The following PAAF1 variants were observed in gnomAD, a reference collection of about 807,000 sequenced individuals.
PAAF1 encodes proteasomal ATPase associated factor 1, also known as proteasomal ATPase-associated factor 1.
A neutral mutation model predicts 52.8 loss-of-function variants in PAAF1; 46 were observed. The ratio of observed to expected loss-of-function variants is 0.87; its 90% CI spans 0.69 to 1.11. PAAF1 has a LOEUF of 1.11. Ranked by LOEUF, PAAF1 falls within the 50% of genes most tolerant of loss-of-function variation. PAAF1 has a pLI of 0.00. For missense variants in PAAF1, 424 were observed against 477.4 expected, an observed-to-expected ratio of 0.89 and a Z score of 1.04; for synonymous variants, 178 against 172.8, an observed-to-expected ratio of 1.03 and a Z score of -0.24.
chr11:73,926,321 G>C (rs1032461381), intron 11 of PAAF1, among the ~76,000 whole-genome samples: 4 of 152,148 alleles, frequency 2.6e-5, no homozygotes, highest in Admixed American at 6.5e-5. Context: ...GGTCAGGCTG[G>C]TCTTGAACTC....
intron 1 of PAAF1, among the ~76,000 whole-genome samples, chr11:73,878,302 C>T (rs898336942): frequency 2.0e-5 from 3 of 152,168 alleles, no homozygotes; most frequent in African/African-American, 7.2e-5. Context: ...TTGCTGTCAA[C>T]CTAGATCTTT....
intron 2 of PAAF1, among the ~76,000 whole-genome samples, chr11:73,882,224 C>T (rs1948930469): frequency 6.6e-6 from 1 of 151,266 alleles, no homozygotes; most frequent in Non-Finnish European, 1.5e-5. Context: ...CTGTGTTAGT[C>T]AGGATGGTCT....
chr11:73,881,440 A>G (rs1948903509), intron 2 of PAAF1, among the ~76,000 whole-genome samples: 1 of 151,900 alleles, frequency 6.6e-6, no homozygotes, highest in South Asian at 2.1e-4. Context: ...TGGGACTACT[A>G]CCATGCCCAG....
chr11:73,896,719 C>G (rs567581305), intron 4 of PAAF1, among the ~76,000 whole-genome samples: 1 of 152,368 alleles, frequency 6.6e-6, no homozygotes, highest in Admixed American at 6.5e-5. Context: ...GACACGGCAA[C>G]CATCCGATTC....
At chr11:73,913,659 T>TA (rs1949991098) in intron 7 of PAAF1, among the ~76,000 whole-genome samples, 1 of 148,014 alleles carries the variant, frequency 6.8e-6, no homozygotes, top group African/African-American at 2.5e-5. Flanking sequence ...GCAGTTAGAA[T>TA]AGTGTGTGAT....
At position 73,909,093 on chromosome 11, in the gene PAAF1, T is replaced by G. The variant is rs374430265; in HGVS notation, c.533-306T>G. 9.9e-4 allele frequency among the ~76,000 whole-genome samples: 151 copies of G among 152,264 alleles called. 3 individuals are homozygous for G. The South Asian group carries it at 0.02, about 20-fold the overall frequency. On this transcript the variant is annotated intron_variant, in intron 6 of 11. Coordinates refer to ENST00000310571, the MANE Select transcript of PAAF1 (RefSeq NM_025155.3). ...TGAGCCACCACGCCCGACCTCTTAA[T>G]TTTTCTTTTTAAAAAAGAGTTTTGA...
chr11:73,878,417 T>A (rs1591030079), intron 1 of PAAF1, among the ~76,000 whole-genome samples: 1 of 152,322 alleles, frequency 6.6e-6, no homozygotes, highest in East Asian at 1.9e-4. Context: ...AAAGGAATCT[T>A]GTTTGGTTAT....
At chr11:73,921,815 C>T in intron 10 of PAAF1, 1 of 1,150,836 alleles carries the variant, frequency 8.7e-7, no homozygotes, top group South Asian at 1.2e-5. Flanking sequence ...ATCACTTCAT[C>T]TTCCTGTTTG....
intron 4 of PAAF1, among the ~76,000 whole-genome samples, chr11:73,898,133 G>C (rs1565135233): frequency 6.7e-6 from 1 of 149,784 alleles, no homozygotes; most frequent in Non-Finnish European, 1.5e-5. Flanking sequence ...GATGGCAGCA[G>C]TACCGTCCAG....
At chr11:73,898,454 A>G (rs12792711) in intron 4 of PAAF1, among the ~76,000 whole-genome samples, 8,660 of 152,128 alleles carry the variant, frequency 0.057, 274 homozygotes, top group Middle Eastern at 0.11. Context: ...GGGCTCAAGT[A>G]ATCTTCCTGC....
At chr11:73,896,254 C>CTTT (rs71272248) in intron 4 of PAAF1, among the ~76,000 whole-genome samples, 2 of 121,816 alleles carry the variant, frequency 1.6e-5, no homozygotes, top group African/African-American at 3.0e-5. Context: ...TATCTGAACT[C>CTTT]TTTTTTTTTT....
intron 4 of PAAF1, among the ~76,000 whole-genome samples, chr11:73,893,095 T>G (rs991862693): frequency 3.3e-5 from 5 of 152,258 alleles, no homozygotes; most frequent in Non-Finnish European, 5.9e-5. Flanking sequence ...TTACTGGACA[T>G]TCAGGTGTTT....
chr11:73,922,572 C>T (rs1340035438), intron 10 of PAAF1, among the ~76,000 whole-genome samples: 1 of 152,102 alleles, frequency 6.6e-6, no homozygotes, highest in Non-Finnish European at 1.5e-5. Flanking sequence ...AATCCCAGCA[C>T]TTTCGGAGGC....
Position 73,928,726 on chromosome 11 carries a change from CTTTT to C in PAAF1, c.*1369_*1372del, listed in dbSNP as rs904764773. The C allele has an allele frequency of 6.6e-6, 1 of 151,734 alleles. No individual in the cohort carries two copies. Among genetic ancestry groups the C allele is most frequent in the African/African-American group, 2.4e-5 (1 of 41,338 alleles). The allele number at this position is 151,734 out of a possible 1,614,324, so 9.4% of individuals were successfully genotyped here. A position where few individuals can be genotyped will look rare whatever the true frequency, so the allele number is the denominator to read the frequency against. ...GGGTAATAATGTTGTTGACAGAGTT[CTTTT>C]TTTTGTTTTTTTTGAGACGGAGTCT... On this transcript the variant is annotated 3_prime_UTR_variant, in exon 12 of 12. Transcript: ENST00000310571.
chr11:73,897,017 C>G lies in PAAF1; in HGVS notation c.283-2129C>G, dbSNP rs538656885. Among the ~76,000 whole-genome samples, 6 of 144,014 alleles carry G rather than the reference C, an allele frequency of 4.2e-5. No individual in the cohort carries two copies. In the South Asian group the frequency reaches 1.1e-3, roughly 27 times the overall value. 94.5% of individuals were successfully genotyped at this position (144,014 alleles called of 152,430 possible). A position where few individuals can be genotyped will look rare whatever the true frequency, so the allele number is the denominator to read the frequency against. ...CTCCCTCCTGGACGGGGCGGCTGGC[C>G]GGGCAGAGGGGCTCCTCACTTCCCA... On this transcript the variant is annotated intron_variant, in intron 4 of 11. Coordinates refer to ENST00000310571, the MANE Select transcript of PAAF1 (RefSeq NM_025155.3).
At chr11:73,892,325 C>CAAAAAAAA (rs150332375) in intron 4 of PAAF1, among the ~76,000 whole-genome samples, 1 of 81,806 alleles carries the variant, frequency 1.2e-5, no homozygotes, top group African/African-American at 4.2e-5. Context: ...ACTGTCTCAC[C>CAAAAAAAA]AAAAAAAAAA....
At chr11:73,882,743 C>T (rs1025129519) in intron 2 of PAAF1, among the ~76,000 whole-genome samples, 8 of 152,148 alleles carry the variant, frequency 5.3e-5, no homozygotes, top group African/African-American at 1.9e-4. Flanking sequence ...GCTGGGATTA[C>T]AGGTGTCCGC....
At position 73,914,597 on chromosome 11, in the gene PAAF1, C is replaced by G; in HGVS notation, c.819+93C>G. ...TTTTGGAAACATTTCTACTTGCTCC[C>G]TGTGTTCACTTTTGAGAAGGCTGCG... On this transcript the variant is annotated intron_variant, in intron 8 of 11. Coordinates refer to ENST00000310571, the MANE Select transcript of PAAF1 (RefSeq NM_025155.3). 4 of 1,014,174 alleles carry G rather than the reference C, an allele frequency of 3.9e-6. No individual in the cohort carries two copies. The South Asian group carries it at 4.2e-5, about 11-fold the overall frequency. 62.8% of individuals were successfully genotyped at this position (1,014,174 alleles called of 1,614,324 possible).
In PAAF1 at chr11:73,909,541, G is replaced by A. The variant is rs778739970; in HGVS notation, c.675G>A (p.Ala225=). ...ADCGSSINGV[A]VGAADNSINL... is the part of the protein sequence containing the mutation. ...GTGGTTCTTCTATCAATGGAGTGGC[G>A]GTGGGTGCTGCTGACAACTCCATAA... The change falls in exon 7 of 12, where the codon GCG becomes GCA. Residue 225 remains alanine, a synonymous_variant. Transcript: ENST00000310571. 1.3e-5 allele frequency: 21 copies of A among 1,614,136 alleles called. No individual in the cohort carries two copies. In the Admixed American group the frequency reaches 1.5e-4, roughly 12 times the overall value.
Sources: gnomAD v4.1 joint callset for allele counts (sites outside exome capture counted in the v4.1 genomes callset) on GRCh38, gnomAD v4.1.1 for gene constraint, MANE v1.5 for transcripts, NCBI Gene and HGNC (gene_info 2026-07-23, HGNC 2026-07-21) for gene names.